TOGARAM2: variants seen among roughly 807,000 people sequenced by gnomAD.
The protein encoded by TOGARAM2 is TOG array regulator of axonemal microtubules protein 2.
In TOGARAM2, 85 loss-of-function variants were observed where a neutral mutation model predicts 93.3. That is an observed-to-expected ratio of 0.91 (90% confidence interval 0.76 to 1.09). The LOEUF (loss-of-function observed/expected upper bound fraction) is 1.09, where lower values mean the gene tolerates loss of function less well. Among genes scored for constraint, TOGARAM2 ranks in the 50% least tolerant of loss-of-function variants. The pLI, the probability that TOGARAM2 is intolerant of heterozygous loss-of-function variation, is 0.00. For missense variants in TOGARAM2, 1,277 were observed against 1,334.5 expected (o/e 0.96, Z 0.67); for synonymous variants, 593 against 552.8 (o/e 1.07, Z -1.02).
intron 1 of TOGARAM2, among the ~76,000 whole-genome samples, chr2:28,976,181 T>C (rs966397695): frequency 2.6e-5 from 4 of 152,100 alleles, no homozygotes; most frequent in South Asian, 2.1e-4. Context: ...CCATCCTGGC[T>C]AACATGGTGA....
At chr2:29,014,700 T>A in intron 8 of TOGARAM2, 139 bp downstream of exon 8, 3 of 1,114,800 alleles carry the variant, frequency 2.7e-6, no homozygotes, top group South Asian at 3.3e-5. Flanking sequence ...GCCACCCAAG[T>A]ACTAAAGGCC....
intron 1 of TOGARAM2, among the ~76,000 whole-genome samples, chr2:28,972,221 T>C (rs531399653): frequency 6.6e-5 from 10 of 152,276 alleles, no homozygotes; most frequent in African/African-American, 2.2e-4. Flanking sequence ...CCTGAGTAAC[T>C]GGGATTATAG....
intron 8 of TOGARAM2, among the ~76,000 whole-genome samples, 173 bp from the exon 9 acceptor site, chr2:29,016,981 G>C (rs1664616074): frequency 6.6e-6 from 1 of 152,158 alleles, no homozygotes; most frequent in Admixed American, 6.5e-5. Context: ...ATCAGCATTT[G>C]GTCTGTTTGT....
intron 1 of TOGARAM2, among the ~76,000 whole-genome samples, chr2:28,968,754 A>G (rs7591793): frequency 0.64 from 94,797 of 147,504 alleles, 30,202 homozygotes; most frequent in South Asian, 0.69. Context: ...GCAGGTGGAG[A>G]TTACAGTGAT....
chr2:29,007,573 T>A (rs952138412), intron 6 of TOGARAM2, among the ~76,000 whole-genome samples: 1 of 152,096 alleles, frequency 6.6e-6, no homozygotes, highest in African/African-American at 2.4e-5. Flanking sequence ...GCCTAGCCAG[T>A]ATCCTTGCAG....
At chr2:28,975,209 G>C (rs1217638917) in intron 1 of TOGARAM2, among the ~76,000 whole-genome samples, 1 of 150,838 alleles carries the variant, frequency 6.6e-6, no homozygotes, top group Non-Finnish European at 1.5e-5. Context: ...TATTTTTTGA[G>C]ACAGAGTCTC....
chr2:29,003,562 TC>T lies in TOGARAM2; in HGVS notation c.713del (p.Pro238HisfsTer34). ...CAGAAGTCCCTGGGCGCCATCGTGA[TC>T]CCACCCATCCCAAAGGCCAGGACGG... is the stretch of plus-strand genomic sequence containing the variant. ...KMQKSLGAIV[I>X]PPIPKARTVA... is the part of the protein sequence containing the mutation. On this transcript the variant is annotated frameshift_variant, in exon 6 of 20. Transcript: ENST00000379558. LOFTEE classifies it high-confidence loss of function. 1 of 1,594,856 alleles carries T rather than the reference TC, an allele frequency of 6.3e-7. No individual in the cohort carries two copies. The highest frequency in any genetic ancestry group is 8.5e-7 in the Non-Finnish European group (1 of 1,171,640).
At chr2:28,959,903 C>T (rs1671777781) in intron 1 of TOGARAM2, among the ~76,000 whole-genome samples, 1 of 152,196 alleles carries the variant, frequency 6.6e-6, no homozygotes, top group Non-Finnish European at 1.5e-5. Context: ...AGTGCACTGA[C>T]ATAAACCTGG....
chr2:28,960,756 G>A (rs916878452), intron 1 of TOGARAM2, among the ~76,000 whole-genome samples: 2 of 152,202 alleles, frequency 1.3e-5, no homozygotes. Flanking sequence ...AATGTTCTCT[G>A]TGCTGTCCAA....
intron 1 of TOGARAM2, among the ~76,000 whole-genome samples, chr2:28,960,452 T>C (rs549245885): frequency 1.3e-5 from 2 of 152,124 alleles, no homozygotes; most frequent in Non-Finnish European, 2.9e-5. Flanking sequence ...AGCACGTTAA[T>C]ATTCAGTTTC....
intron 1 of TOGARAM2, among the ~76,000 whole-genome samples, chr2:28,968,589 A>G (rs530447850): frequency 8.5e-5 from 13 of 152,200 alleles, no homozygotes; most frequent in African/African-American, 3.1e-4. Context: ...GGTGGATTGC[A>G]TGAGTCCAGG....
chr2:29,005,418 T>TGTGA (rs1673672171), intron 6 of TOGARAM2, among the ~76,000 whole-genome samples: 1 of 147,808 alleles, frequency 6.8e-6, no homozygotes, highest in Admixed American at 6.8e-5. Context: ...TGTGCGTGTG[T>TGTGA]GAGAGCATGC....
chr2:29,013,241 G>C (rs1001727019), intron 7 of TOGARAM2, among the ~76,000 whole-genome samples: 8 of 152,188 alleles, frequency 5.3e-5, no homozygotes, highest in Admixed American at 3.3e-4. Context: ...CAATACTGTG[G>C]ATTTGATGCC....
At chr2:29,004,269 C>T (rs1673490269) in intron 6 of TOGARAM2, among the ~76,000 whole-genome samples, 1 of 152,238 alleles carries the variant, frequency 6.6e-6, no homozygotes, top group Admixed American at 6.5e-5. Flanking sequence ...AGGTGTGAGA[C>T]ACCGTGCCCG....
At chr2:29,008,103 AATTTATTTTGTTT>A (rs1217754285) in intron 6 of TOGARAM2, among the ~76,000 whole-genome samples, 1 of 152,000 alleles carries the variant, frequency 6.6e-6, no homozygotes, top group African/African-American at 2.4e-5. Flanking sequence ...TGATTATTTA[AATTTATTTTGTTT>A]ATTTATTTTG....
rs1017129692 is a variant in TOGARAM2, at chr2:29,033,002, C to T, written c.2081C>T (p.Ser694Phe). Residue 694 changes from serine (S) to phenylalanine (F), a missense_variant, in exon 15 of 20, where the codon TCT (serine) becomes TTT (phenylalanine). Physicochemically the swap from Ser to Phe is radical, Grantham distance 155 (BLOSUM62 -2). Transcript: ENST00000379558. ...AAGTTTGATGCATTTCTGAAGCAAT[C>T]TCTCCCATCTTACGACTTGCAGAAG... ...NTKFDAFLKQSLPSYDLQKVM... is the reference protein window; with the variant it reads ...NTKFDAFLKQFLPSYDLQKVM... The T allele has an allele frequency of 1.6e-5, 26 of 1,613,780 alleles. No individual in the cohort carries two copies. In the East Asian group the frequency reaches 5.8e-4, roughly 36 times the overall value.
At chr2:28,984,890 G>A (rs1385014015) in intron 1 of TOGARAM2, among the ~76,000 whole-genome samples, 1 of 152,190 alleles carries the variant, frequency 6.6e-6, no homozygotes, top group Non-Finnish European at 1.5e-5. Flanking sequence ...TTTTGGGGAG[G>A]CCTTGATGGG....
chr2:29,035,317 G>T (rs1466503481), intron 16 of TOGARAM2, 147 bp from the exon 17 acceptor site: 3 of 589,954 alleles, frequency 5.1e-6, no homozygotes, highest in East Asian at 6.9e-5. Flanking sequence ...CAAGCTGTAG[G>T]TGGAGGGGAA....
intron 1 of TOGARAM2, among the ~76,000 whole-genome samples, chr2:28,982,264 G>A (rs1309189059): frequency 6.6e-6 from 1 of 152,212 alleles, no homozygotes; most frequent in East Asian, 1.9e-4. Flanking sequence ...TCAGTCTCCT[G>A]AAACTAAGGT....
Sources: gnomAD v4.1 joint callset for allele counts (sites outside exome capture counted in the v4.1 genomes callset) on GRCh38, gnomAD v4.1.1 for gene constraint, MANE v1.5 for transcripts, NCBI Gene and HGNC (gene_info 2026-07-23, HGNC 2026-07-21) for gene names.